Variants in FSCN2 observed in about 807,000 individuals in gnomAD.
FSCN2 encodes fascin-2.
A neutral mutation model predicts 37.8 loss-of-function variants in FSCN2; 46 were observed. The ratio of observed to expected loss-of-function variants is 1.22; its 90% CI spans 0.96 to 1.56. FSCN2 has a LOEUF of 1.56. Among genes scored for constraint, FSCN2 ranks in the 40% most tolerant of loss-of-function variants. The probability of loss-of-function intolerance (pLI) is 0.00; values close to 1 mark genes in which losing one functional copy is unlikely to be tolerated. For missense variants in FSCN2, 844 were observed against 730.4 expected, an observed-to-expected ratio of 1.16 and a Z score of -1.79; for synonymous variants, 351 against 309.4, an observed-to-expected ratio of 1.13 and a Z score of -1.41.
the FSCN2 span, among the ~76,000 whole-genome samples, chr17:81,515,703 C>T: frequency 6.6e-6 from 1 of 152,234 alleles, no homozygotes; most frequent in East Asian, 1.9e-4. Context: ...ACCTCCACAC[C>T]AGTTGACAGG....
rs782171838 is a variant in FSCN2 at position 81,529,083 on chromosome 17, C to T, written c.552C>T (p.Tyr184=). The change falls in exon 1 of 5, where the codon TAC becomes TAT. Residue 184 remains tyrosine (Y), a synonymous_variant. Coordinates refer to ENST00000417245, the MANE Select transcript of FSCN2 (RefSeq NM_012418.4). The part of the protein sequence containing the change: ...LLTLIFRSRR[Y]CLKSCDSRYL... Reference sequence around the variant, plus strand: ...CCCTCATCTTCCGGAGCCGACGGTACTGCCTCAAGTCCTGTGACAGCCGCT... The same window carrying T: ...CCCTCATCTTCCGGAGCCGACGGTATTGCCTCAAGTCCTGTGACAGCCGCT... The T allele has an allele frequency of 2.9e-4, 464 of 1,590,632 alleles. 1 individual carries two copies. Among genetic ancestry groups the T allele is most frequent in the Non-Finnish European group, 2.6e-4 (305 of 1,170,718 alleles).
intron 1 of FSCN2, among the ~76,000 whole-genome samples, chr17:81,533,496 G>T (rs1054984886): frequency 5.3e-5 from 8 of 152,180 alleles, no homozygotes; most frequent in African/African-American, 1.7e-4. Flanking sequence ...TCAGCCTGAC[G>T]CCCTCACGGT....
chr17:81,534,089 A>G (rs1167135785), intron 1 of FSCN2, among the ~76,000 whole-genome samples: 1 of 152,234 alleles, frequency 6.6e-6, no homozygotes, highest in Admixed American at 6.5e-5. Context: ...TGCAGGGGAC[A>G]TGCCGGGTGC....
intron 1 of FSCN2, among the ~76,000 whole-genome samples, chr17:81,531,482 G>GCA (rs2032592447): frequency 6.7e-6 from 1 of 148,408 alleles, no homozygotes; most frequent in Admixed American, 6.8e-5. Context: ...TGGTGGTGAT[G>GCA]GTGATGATGG....
rs782187587 is a variant in FSCN2 at position 81,528,796 on chromosome 17, C to G, written c.265C>G (p.Arg89Gly). 1.3e-6 allele frequency: 2 copies of G among 1,564,554 alleles called. No individual in the cohort carries two copies. The highest frequency in any genetic ancestry group is 1.2e-5 in the South Asian group (1 of 85,382). ...GGCAGAGCAGCCGGGCCGTGACTGC[C>G]GCTTCCTGGTCCTGCCGCAGCCAGA... Reference protein sequence around the residue: ...CEAEQPGRDCRFLVLPQPDGR... With the variant: ...CEAEQPGRDCGFLVLPQPDGR... Residue 89 changes from arginine to glycine, a missense_variant, in exon 1 of 5, where the codon CGC (arginine) becomes GGC (glycine). By Grantham distance (125) the Arg-to-Gly change is moderately radical. Transcript: ENST00000417245.
chr17:81,520,946 A>T, the FSCN2 span, among the ~76,000 whole-genome samples: 1 of 152,182 alleles, frequency 6.6e-6, no homozygotes, highest in African/African-American at 2.4e-5. Flanking sequence ...TTATTCTCTA[A>T]TATTCTAGTT....
At chr17:81,530,688 C>T (rs2032521611) in intron 1 of FSCN2, 2 of 479,044 alleles carry the variant, frequency 4.2e-6, no homozygotes, top group Admixed American at 2.5e-5. Flanking sequence ...CCCCTGGGTA[C>T]ACTGACACTC....
chr17:81,531,953 GGTGATGGTGATA>G (rs1166227656), intron 1 of FSCN2, among the ~76,000 whole-genome samples: 2 of 148,492 alleles, frequency 1.3e-5, no homozygotes, highest in Non-Finnish European at 3.0e-5. Flanking sequence ...TGATGATGAT[GGTGATGGTGATA>G]GTGATGATAA....
At chr17:81,533,480 C>G (rs796257699) in intron 1 of FSCN2, among the ~76,000 whole-genome samples, 1 of 152,348 alleles carries the variant, frequency 6.6e-6, no homozygotes, top group African/African-American at 2.4e-5. Context: ...TGGGTCAGCT[C>G]TGACCTCAGC....
chr17:81,531,741 GTGATGATAGTGATGGC>G (rs2032627548), intron 1 of FSCN2, among the ~76,000 whole-genome samples: 1 of 124,314 alleles, frequency 8.0e-6, no homozygotes, highest in Non-Finnish European at 1.7e-5. Flanking sequence ...GGTGATGATG[GTGATGATAGTGATGGC>G]GATGATGGTG....
chr17:81,531,837 ATGGTGGTGATGGTGATGG>A lies in FSCN2; in HGVS notation c.826+2486_826+2503del, dbSNP rs1568078274. On this transcript the variant is annotated intron_variant, in intron 1 of 4. Coordinates refer to ENST00000417245, the MANE Select transcript of FSCN2 (RefSeq NM_012418.4). ...GGTGGTGGTGATGGTGGTGGTGGTG[ATGGTGGTGATGGTGATGG>A]TGGTGATGGCGATGATGGTGATGAT... Among the ~76,000 whole-genome samples the A allele has an allele frequency of 1.6e-3, 173 of 108,810 alleles. 6 individuals carry two copies. The highest frequency in any genetic ancestry group is 7.7e-3 in the African/African-American group (166 of 21,574). The allele number at this position is 108,810 out of a possible 152,430, so 71.4% of individuals were successfully genotyped here. A position where few individuals can be genotyped will look rare whatever the true frequency, so the allele number is the denominator to read the frequency against.
At chr17:81,529,401 C>T in intron 1 of FSCN2, 44 bp downstream of exon 1, 1 of 1,438,366 alleles carries the variant, frequency 7.0e-7, no homozygotes, top group Non-Finnish European at 9.4e-7. Flanking sequence ...GTGCTGGGAC[C>T]CCCCTGCTTC....
chr17:81,531,335 G>A (rs1326885693), intron 1 of FSCN2, among the ~76,000 whole-genome samples: 2 of 139,904 alleles, frequency 1.4e-5, no homozygotes, highest in Non-Finnish European at 3.2e-5. Flanking sequence ...TGGTGGTGGT[G>A]ATGGTGGTGG....
chr17:81,519,238 G>GC, the FSCN2 span: 1 of 152,200 alleles, frequency 6.6e-6, no homozygotes, highest in Non-Finnish European at 1.5e-5. Flanking sequence ...GCGCTCCTGC[G>GC]CCCCCTCCCC....
the FSCN2 span, among the ~76,000 whole-genome samples, chr17:81,521,902 G>A: frequency 2.0e-5 from 3 of 152,330 alleles, no homozygotes; most frequent in East Asian, 1.9e-4. Context: ...CAATGATGGC[G>A]TGGATCATAC....
intron 1 of FSCN2, among the ~76,000 whole-genome samples, chr17:81,531,258 A>G (rs369956055): frequency 0.017 from 1,206 of 70,002 alleles, 39 homozygotes; most frequent in African/African-American, 0.071. Context: ...GGTGATGGTG[A>G]TGATGGTGGT....
At position 81,529,119 on chromosome 17, in the gene FSCN2, C is replaced by T. The variant is rs368621796; in HGVS notation, c.588C>T (p.Ser196=). 9.0e-5 allele frequency: 143 copies of T among 1,582,402 alleles called. No individual in the cohort carries two copies. The highest frequency in any genetic ancestry group is 2.2e-4 in the African/African-American group (16 of 74,410). The change falls in exon 1 of 5, where the codon AGC becomes AGT. Residue 196 remains serine, a synonymous_variant. Transcript: ENST00000417245. The stretch of plus-strand genomic sequence containing the variant: ...CCTGTGACAGCCGCTACCTGCGCAG[C>T]GACGGCCGTCTGGTCTGGGAGCCTG... The part of the protein sequence containing the change: ...LKSCDSRYLR[S]DGRLVWEPEP...
At chr17:81,518,080 G>A in the FSCN2 span, among the ~76,000 whole-genome samples, 8 of 152,146 alleles carry the variant, frequency 5.3e-5, no homozygotes, top group South Asian at 4.2e-4. Context: ...CTGCTGCCTC[G>A]GGGTAGAATC....
chr17:81,534,915 C>T, intron 1 of FSCN2, 137 bp from the exon 2 acceptor site: 2 of 593,616 alleles, frequency 3.4e-6, no homozygotes, highest in Admixed American at 3.6e-5. Flanking sequence ...CTGAGAGGTG[C>T]CTTCCAAATC....
Sources: gnomAD v4.1 joint callset for allele counts (sites outside exome capture counted in the v4.1 genomes callset) on GRCh38, gnomAD v4.1.1 for gene constraint, MANE v1.5 for transcripts, NCBI Gene and HGNC (gene_info 2026-07-23, HGNC 2026-07-21) for gene names.